The following CSMD1 variants were observed in gnomAD, a reference collection of about 807,000 sequenced individuals.
CSMD1 encodes CUB and sushi domain-containing protein 1.
In CSMD1, 213 loss-of-function variants were observed where a neutral mutation model predicts 417.5. The observed-to-expected ratio is 0.51, with a 90% CI of 0.46 to 0.57. CSMD1 has a LOEUF of 0.57. Ranked by LOEUF, CSMD1 falls within the 20% of genes least tolerant of loss-of-function variation. CSMD1 has a pLI of 0.00. For synonymous variants in CSMD1, 2,862 were observed against 1,736.8 expected, an observed-to-expected ratio of 1.65 and a Z score of -16.11; for missense variants, 6,923 against 4,529.7, an observed-to-expected ratio of 1.53 and a Z score of -15.17.
chr8:4,994,256 A>C, intron 1 of CSMD1, 76 bp downstream of exon 1: 1 of 1,397,840 alleles, frequency 7.2e-7, no homozygotes, highest in Non-Finnish European at 9.9e-7. Context: ...GCGGTCCCCA[A>C]AACGCACACT....
At chr8:3,791,121 A>T (rs2129067609) in intron 5 of CSMD1, among the ~76,000 whole-genome samples, 2 of 152,322 alleles carry the variant, frequency 1.3e-5, no homozygotes, top group Admixed American at 1.3e-4. Context: ...ATAACTTTTA[A>T]AGCTGGAGTG....
At chr8:3,103,845 G>C (rs1815931028) in intron 46 of CSMD1, among the ~76,000 whole-genome samples, 1 of 152,030 alleles carries the variant, frequency 6.6e-6, no homozygotes, top group Non-Finnish European at 1.5e-5. Flanking sequence ...CCAGGTTCCA[G>C]TGATTCTCCT....
chr8:3,963,702 C>T (rs769353534), intron 5 of CSMD1, among the ~76,000 whole-genome samples: 10 of 152,130 alleles, frequency 6.6e-5, no homozygotes, highest in African/African-American at 1.9e-4. Context: ...TAGATTTCAT[C>T]GTAGACAAAC....
intron 1 of CSMD1, among the ~76,000 whole-genome samples, chr8:4,778,475 G>A (rs774502690): frequency 6.6e-6 from 1 of 152,134 alleles, no homozygotes; most frequent in South Asian, 2.1e-4. Context: ...TTCTGCATGA[G>A]ATAATGCACA....
At position 4,312,423 on chromosome 8, in the gene CSMD1, G is replaced by GCATATATATATA. The variant is rs1563435226; in HGVS notation, c.415+107529_415+107530insTATATATATATG. Among the ~76,000 whole-genome samples, 107 of 105,058 alleles carry GCATATATATATA rather than the reference G, an allele frequency of 1.0e-3. 5 individuals are homozygous for GCATATATATATA. The highest frequency in any genetic ancestry group is 7.9e-3 in the African/African-American group (101 of 12,796). 68.9% of individuals were successfully genotyped at this position (105,058 alleles called of 152,430 possible). ...CATATATATGCGTGTATATATATGC[G>GCATATATATATA]CGTATATATATATGCGTATATATAT... On this transcript the variant is annotated intron_variant, in intron 3 of 69. Coordinates refer to ENST00000635120, the MANE Select transcript of CSMD1 (RefSeq NM_033225.6).
At chr8:3,805,019 C>CTGGT (rs1239651191) in intron 5 of CSMD1, among the ~76,000 whole-genome samples, 4 of 152,114 alleles carry the variant, frequency 2.6e-5, no homozygotes, top group African/African-American at 9.7e-5. Context: ...TTGAAGAGGC[C>CTGGT]TGGTTGGTCA....
At chr8:3,695,689 T>C (rs2623595) in intron 7 of CSMD1, among the ~76,000 whole-genome samples, 1 of 152,066 alleles carries the variant, frequency 6.6e-6, no homozygotes, top group African/African-American at 2.4e-5. Context: ...TTCTAGCAAA[T>C]TGTATTTAAA....
chr8:4,558,986 G>A (rs751853619), intron 2 of CSMD1, among the ~76,000 whole-genome samples: 9 of 152,070 alleles, frequency 5.9e-5, no homozygotes, highest in Non-Finnish European at 7.4e-5. Flanking sequence ...CTGGCTTAAG[G>A]CAGTATTGTT....
In CSMD1 at chr8:3,141,850, T is replaced by C. The variant is rs541812420; in HGVS notation, c.6241+615A>G. 8.0e-5 allele frequency among the ~76,000 whole-genome samples: 12 copies of C among 149,420 alleles called. No homozygotes were observed. In the South Asian group the frequency reaches 1.1e-3, roughly 13 times the overall value. The stretch of plus-strand genomic sequence containing the variant: ...TCTGGCTCTGTCGCCCAGGCTGGAG[T>C]GCAGTGGCGCGATCTCTCCTCACTG... On this transcript the variant is annotated intron_variant, in intron 41 of 69. Coordinates refer to ENST00000635120, the MANE Select transcript of CSMD1 (RefSeq NM_033225.6).
At chr8:3,664,338 CTTAAAA>C (rs2117474582) in intron 7 of CSMD1, among the ~76,000 whole-genome samples, 1 of 152,268 alleles carries the variant, frequency 6.6e-6, no homozygotes, top group East Asian at 1.9e-4. Context: ...CCAGCTTCAT[CTTAAAA>C]TTAAAATATT....
chr8:3,857,413 C>T lies in CSMD1; in HGVS notation c.819-103371G>A, dbSNP rs552833076. Among the ~76,000 whole-genome samples the T allele has an allele frequency of 3.9e-5, 6 of 152,230 alleles. No individual in the cohort carries two copies. The East Asian group carries it at 9.6e-4, about 24-fold the overall frequency. On this transcript the variant is annotated intron_variant, in intron 5 of 69. Transcript: ENST00000635120. ...TATATTTGGAATAACAAGTGAAAAACAAAAACTGTGATGGTAAATCCAAGC... is the reference window on the plus strand; with the variant it reads ...TATATTTGGAATAACAAGTGAAAAATAAAAACTGTGATGGTAAATCCAAGC...
intron 12 of CSMD1, among the ~76,000 whole-genome samples, chr8:3,455,709 T>G (rs1345292058): frequency 2.0e-5 from 3 of 152,186 alleles, no homozygotes; most frequent in Non-Finnish European, 4.4e-5. Context: ...ATCTGAGGTG[T>G]CAGACTGCCC....
At chr8:3,550,162 T>C (rs575275933) in intron 10 of CSMD1, among the ~76,000 whole-genome samples, 16 of 152,310 alleles carry the variant, frequency 1.1e-4, no homozygotes, top group African/African-American at 3.8e-4. Context: ...CTAGGAGCCA[T>C]GCTTCACCTT....
intron 2 of CSMD1, among the ~76,000 whole-genome samples, chr8:4,457,471 A>G (rs969281338): frequency 3.3e-5 from 5 of 152,112 alleles, no homozygotes; most frequent in Admixed American, 2.6e-4. Flanking sequence ...GCTTATTGGA[A>G]AAGATTACCT....
Position 4,694,958 on chromosome 8 carries a change from C to G in CSMD1, c.86-57400G>C, listed in dbSNP as rs191427198. On this transcript the variant is annotated intron_variant, in intron 1 of 69. Transcript: ENST00000635120. Reference sequence around the variant, plus strand: ...ACTATGAACATACAGGTTCTAGGTTCTTGTACCTTTCACAGCTTACATTAA... The same window carrying G: ...ACTATGAACATACAGGTTCTAGGTTGTTGTACCTTTCACAGCTTACATTAA... Among the ~76,000 whole-genome samples, 11 of 152,238 alleles carry G rather than the reference C, an allele frequency of 7.2e-5. No individual in the cohort carries two copies. In the East Asian group the frequency reaches 1.5e-3, roughly 21 times the overall value.
chr8:3,206,458 TG>T (rs1393299881), intron 30 of CSMD1, among the ~76,000 whole-genome samples: 1 of 25,892 alleles, frequency 3.9e-5, no homozygotes, highest in East Asian at 6.8e-4. Context: ...TGTATGTGTG[TG>T]TGGGGGGGTT....
Position 4,702,928 on chromosome 8 carries a change from A to T in CSMD1, c.86-65370T>A, listed in dbSNP as rs143611239. Among the ~76,000 whole-genome samples the T allele has an allele frequency of 5.3e-3, 807 of 152,296 alleles. 9 individuals carry two copies. The highest frequency in any genetic ancestry group is 0.017 in the African/African-American group (709 of 41,558). ...TTCATCATAGACTGTAGACTTCTAA[A>T]ATGACAAAATTACCCTTAGGGTCTC... On this transcript the variant is annotated intron_variant, in intron 1 of 69. Coordinates refer to ENST00000635120, the MANE Select transcript of CSMD1 (RefSeq NM_033225.6).
Position 4,571,614 on chromosome 8 carries a change from C to T in CSMD1, c.302+65728G>A, listed in dbSNP as rs186751909. ...TATGTGGTGCTGAGAAGAATGTGAA[C>T]TCTGTTAATTTCGGGTGGACAGTTC... On this transcript the variant is annotated intron_variant, in intron 2 of 69. Coordinates refer to ENST00000635120, the MANE Select transcript of CSMD1 (RefSeq NM_033225.6). 7.9e-4 allele frequency among the ~76,000 whole-genome samples: 120 copies of T among 152,258 alleles called. 1 individual carries two copies. Among genetic ancestry groups the T allele is most frequent in the Non-Finnish European group, 5.6e-4 (38 of 68,020 alleles).
intron 54 of CSMD1, among the ~76,000 whole-genome samples, chr8:2,984,279 G>T (rs1256142198): frequency 6.6e-6 from 1 of 152,318 alleles, no homozygotes; most frequent in Non-Finnish European, 1.5e-5. Flanking sequence ...CAAACGCACA[G>T]GAGGGAGAGG....
Sources: allele counts gnomAD v4.1 joint callset (sites outside exome capture counted in the v4.1 genomes callset), GRCh38; gene constraint gnomAD v4.1.1; transcripts MANE v1.5; gene names NCBI Gene and HGNC (gene_info 2026-07-23, HGNC 2026-07-21).